Variants in OR2L13 observed in about 807,000 individuals in gnomAD.
OR2L13 encodes olfactory receptor 2L13.
OR2L13 carries 14 observed loss-of-function variants against 15.3 expected under a neutral mutation model. That is an observed-to-expected ratio of 0.91 (90% CI 0.60 to 1.43). The LOEUF is 1.43. Among genes scored for constraint, OR2L13 ranks in the 40% most tolerant of loss-of-function variants. The pLI, the probability that OR2L13 is intolerant of heterozygous loss-of-function variation, is 0.00. For missense variants in OR2L13, 367 were observed against 387.9 expected (o/e 0.95, Z 0.45); for synonymous variants, 152 against 142.9 (o/e 1.06, Z -0.45).
the OR2L13 span, among the ~76,000 whole-genome samples, chr1:247,938,182 G>A: frequency 6.6e-6 from 1 of 151,996 alleles, no homozygotes; most frequent in Non-Finnish European, 1.5e-5. Flanking sequence ...TTCCAGTCCT[G>A]TAACAGTCTC....
the OR2L13 span, among the ~76,000 whole-genome samples, chr1:247,953,509 A>C: frequency 6.6e-6 from 1 of 152,348 alleles, no homozygotes. Flanking sequence ...CTTTCTCATC[A>C]CAAGAAGCTG....
At chr1:248,070,066 T>C in the OR2L13 span, among the ~76,000 whole-genome samples, 22,584 of 151,536 alleles carry the variant, frequency 0.15, 3,198 homozygotes, top group African/African-American at 0.38. Flanking sequence ...GACAGATCAA[T>C]GAGACAGAAA....
At chr1:248,033,377 A>T in the OR2L13 span, among the ~76,000 whole-genome samples, 1 of 152,156 alleles carries the variant, frequency 6.6e-6, no homozygotes, top group African/African-American at 2.4e-5. Flanking sequence ...TTGCCAAAAA[A>T]ATATTGCTGT....
At chr1:247,991,304 C>A in the OR2L13 span, 1 of 712,628 alleles carries the variant, frequency 1.4e-6, no homozygotes, top group Non-Finnish European at 2.3e-6. Context: ...GTATGTCAAA[C>A]GGAAATTAAT....
the OR2L13 span, chr1:247,990,179 T>C: frequency 1.8e-6 from 1 of 567,602 alleles, no homozygotes; most frequent in South Asian, 1.9e-5. Context: ...ACTGGCGGGC[T>C]TGAAATGCAT....
chr1:248,029,420 T>A, the OR2L13 span, among the ~76,000 whole-genome samples: 2 of 151,950 alleles, frequency 1.3e-5, no homozygotes, highest in Non-Finnish European at 2.9e-5. Flanking sequence ...TTTGAGAACA[T>A]TTAAAGCACT....
the OR2L13 span, among the ~76,000 whole-genome samples, chr1:248,063,791 TGC>T: frequency 8.2e-4 from 38 of 46,426 alleles, no homozygotes; most frequent in East Asian, 0.018. Flanking sequence ...ACAAGATGTG[TGC>T]GTGTGTGTGT....
chr1:248,068,080 CA>C, the OR2L13 span, among the ~76,000 whole-genome samples: 1 of 149,476 alleles, frequency 6.7e-6, no homozygotes, highest in African/African-American at 2.6e-5. Flanking sequence ...CACAGACAAA[CA>C]AAAAGACAGC....
chr1:248,035,771 T>A, the OR2L13 span: 8 of 152,208 alleles, frequency 5.3e-5, no homozygotes, highest in African/African-American at 1.9e-4. Context: ...AGTGACCTGC[T>A]TCCCCCAACA....
the OR2L13 span, among the ~76,000 whole-genome samples, chr1:247,999,576 A>G: frequency 6.6e-6 from 1 of 152,192 alleles, no homozygotes; most frequent in Admixed American, 6.5e-5. Context: ...TACCTACAAC[A>G]TTATGTACTG....
At chr1:247,975,176 A>G in the OR2L13 span, 31 of 399,022 alleles carry the variant, frequency 7.8e-5, no homozygotes, top group African/African-American at 6.5e-4. Flanking sequence ...TGATAATAGG[A>G]TCTTGGATAA....
At chr1:247,973,942 G>A in the OR2L13 span, among the ~76,000 whole-genome samples, 52 of 152,274 alleles carry the variant, frequency 3.4e-4, no homozygotes, top group South Asian at 0.011. Context: ...ATACCTAAAG[G>A]ATTATAAATC....
At chr1:247,943,250 A>T in the OR2L13 span, among the ~76,000 whole-genome samples, 4 of 152,128 alleles carry the variant, frequency 2.6e-5, no homozygotes, top group Non-Finnish European at 5.9e-5. Context: ...TAAAGATGGG[A>T]ATAGTAGACA....
chr1:248,073,142 C>G, the OR2L13 span, among the ~76,000 whole-genome samples: 1 of 151,920 alleles, frequency 6.6e-6, no homozygotes, highest in Non-Finnish European at 1.5e-5. Flanking sequence ...ACCCAAAGGA[C>G]TATAAATCAT....
At chr1:248,033,888 A>G in the OR2L13 span, among the ~76,000 whole-genome samples, 1 of 152,198 alleles carries the variant, frequency 6.6e-6, no homozygotes, top group East Asian at 1.9e-4. Context: ...CACAGCAGTC[A>G]GAAAGAGAAT....
chr1:247,983,262 G>T, the OR2L13 span, among the ~76,000 whole-genome samples: 1 of 152,106 alleles, frequency 6.6e-6, no homozygotes, highest in Non-Finnish European at 1.5e-5. Flanking sequence ...CTGACATATT[G>T]CAAGTGCCAG....
At chr1:248,069,397 T>A in the OR2L13 span, among the ~76,000 whole-genome samples, 4 of 152,076 alleles carry the variant, frequency 2.6e-5, no homozygotes, top group East Asian at 7.7e-4. Flanking sequence ...GAAGGAGAAA[T>A]AAAATGCTTT....
chr1:248,047,259 T>G, the OR2L13 span, among the ~76,000 whole-genome samples: 1 of 152,202 alleles, frequency 6.6e-6, no homozygotes, highest in East Asian at 1.9e-4. Flanking sequence ...TATTTTGGTT[T>G]GATTTCTTTT....
At chr1:247,991,091 T>A in the OR2L13 span, 10 of 1,598,358 alleles carry the variant, frequency 6.3e-6, no homozygotes, top group African/African-American at 1.3e-5. Flanking sequence ...GTTCTGGCTG[T>A]CTTCTACACC....
Sources: gnomAD v4.1 joint callset for allele counts (sites outside exome capture counted in the v4.1 genomes callset) on GRCh38, gnomAD v4.1.1 for gene constraint, MANE v1.5 for transcripts, NCBI Gene and HGNC (gene_info 2026-07-23, HGNC 2026-07-21) for gene names.